NEK11: variants seen among roughly 807,000 people sequenced by gnomAD.
NEK11 encodes the protein serine/threonine-protein kinase Nek11.
A neutral mutation model predicts 80.7 loss-of-function variants in NEK11; 72 were observed. That is an observed-to-expected ratio of 0.89 (90% CI 0.74 to 1.08). NEK11 has a LOEUF of 1.08. Among genes scored for constraint, NEK11 ranks in the 50% least tolerant of loss-of-function variants. NEK11 has a pLI of 0.00. For missense variants in NEK11, 764 were observed against 763.6 expected, an observed-to-expected ratio of 1.00 and a Z score of -0.01; for synonymous variants, 251 against 260.7, an observed-to-expected ratio of 0.96 and a Z score of 0.36.
chr3:131,113,107 C>T (rs1195984424), intron 5 of NEK11, among the ~76,000 whole-genome samples: 1 of 152,064 alleles, frequency 6.6e-6, no homozygotes, highest in Non-Finnish European at 1.5e-5. Context: ...AGAATGAACT[C>T]AGTAAGTTGA....
chr3:131,218,374 G>A (rs990586769), intron 14 of NEK11, among the ~76,000 whole-genome samples: 1 of 152,164 alleles, frequency 6.6e-6, no homozygotes, highest in Non-Finnish European at 1.5e-5. Context: ...CTCACACAGG[G>A]AGCTCTGGGG....
rs934090174 is a variant in NEK11 at position 131,070,212 on chromosome 3, A to G, written c.171-10211A>G. ...AACTTCTCAAAGCGTAATGGAGTGA[A>G]TGAGTGATTTGTTGCCTAGAGTCTT... On this transcript the variant is annotated intron_variant, in intron 3 of 17. Transcript: ENST00000383366. Among the ~76,000 whole-genome samples the G allele has an allele frequency of 2.6e-5, 4 of 152,182 alleles. No individual in the cohort carries two copies. The South Asian group carries it at 8.3e-4, about 31-fold the overall frequency.
chr3:131,161,504 A>T (rs535264901), intron 10 of NEK11, among the ~76,000 whole-genome samples: 88 of 152,336 alleles, frequency 5.8e-4, no homozygotes, highest in Non-Finnish European at 9.4e-4. Context: ...ACACAGCCAT[A>T]AAAATAACAA....
intron 7 of NEK11, among the ~76,000 whole-genome samples, chr3:131,143,436 A>G (rs1169484701): frequency 6.6e-6 from 1 of 152,164 alleles, no homozygotes; most frequent in Non-Finnish European, 1.5e-5. Context: ...AGCAAGGTTC[A>G]AGGGGACACC....
intron 16 of NEK11, among the ~76,000 whole-genome samples, chr3:131,257,747 T>A (rs1304361301): frequency 2.0e-5 from 3 of 152,142 alleles, no homozygotes; most frequent in Non-Finnish European, 4.4e-5. Context: ...GTACAACCAC[T>A]ATGGAAAACA....
At chr3:131,125,508 T>G (rs2083165701) in intron 5 of NEK11, among the ~76,000 whole-genome samples, 1 of 152,244 alleles carries the variant, frequency 6.6e-6, no homozygotes, top group African/African-American at 2.4e-5. Flanking sequence ...TGGTAATTAT[T>G]TACAATTATA....
intron 7 of NEK11, among the ~76,000 whole-genome samples, chr3:131,137,995 C>G (rs1238885873): frequency 6.6e-6 from 1 of 152,174 alleles, no homozygotes; most frequent in Non-Finnish European, 1.5e-5. Flanking sequence ...AGCATTTATC[C>G]TTTGAGGAAG....
chr3:131,278,025 G>A (rs2096327829), intron 17 of NEK11, among the ~76,000 whole-genome samples: 1 of 152,228 alleles, frequency 6.6e-6, no homozygotes, highest in African/African-American at 2.4e-5. Flanking sequence ...ATGTGTTTGT[G>A]ATGTTTTATA....
At chr3:131,097,974 A>G (rs1282802267) in intron 4 of NEK11, among the ~76,000 whole-genome samples, 4 of 145,892 alleles carry the variant, frequency 2.7e-5, no homozygotes, top group Admixed American at 6.9e-5. Context: ...TCAATGGAAC[A>G]GAACAGAGCC....
intron 5 of NEK11, among the ~76,000 whole-genome samples, chr3:131,114,299 A>T (rs1044576629): frequency 1.5e-5 from 1 of 64,708 alleles, no homozygotes; most frequent in Non-Finnish European, 3.0e-5. Flanking sequence ...ATAAATAATT[A>T]AAAAGCCAAG....
intron 4 of NEK11, among the ~76,000 whole-genome samples, chr3:131,096,513 G>C (rs1351580061): frequency 6.6e-6 from 1 of 151,970 alleles, no homozygotes; most frequent in East Asian, 1.9e-4. Flanking sequence ...CTTTTTGGTA[G>C]AATGATCTAT....
intron 17 of NEK11, chr3:131,330,178 A>G (rs889546523): frequency 6.6e-5 from 10 of 152,370 alleles, no homozygotes; most frequent in Admixed American, 2.6e-4. Context: ...TGTGAGAGAA[A>G]GAGAGGAATC....
intron 5 of NEK11, among the ~76,000 whole-genome samples, chr3:131,124,833 G>A (rs4974463): frequency 0.15 from 23,222 of 152,172 alleles, 1,843 homozygotes; most frequent in Non-Finnish European, 0.17. Context: ...AGACCTATGT[G>A]AGAATAGTGG....
chr3:131,228,759 G>T, intron 15 of NEK11, 71 bp downstream of exon 15: 1 of 1,468,620 alleles, frequency 6.8e-7, no homozygotes, highest in Non-Finnish European at 9.2e-7. Flanking sequence ...AGAGAAGAAA[G>T]GAAGTCTTAT....
rs947548674 is a variant in NEK11, at chr3:131,128,883, A to G, written c.456-3862A>G. ...TGTAGTGGTACTTCATTGTTGTTTT[A>G]ATTTTCATTTCTCTGATGACATATG... On this transcript the variant is annotated intron_variant, in intron 5 of 17. Coordinates refer to ENST00000383366, the MANE Select transcript of NEK11 (RefSeq NM_024800.5). Among the ~76,000 whole-genome samples, 3 of 151,932 alleles carry G rather than the reference A, an allele frequency of 2.0e-5. No homozygotes were observed. In the East Asian group the frequency reaches 5.8e-4, roughly 29 times the overall value.
intron 17 of NEK11, among the ~76,000 whole-genome samples, chr3:131,328,154 G>C (rs2097004831): frequency 6.6e-6 from 1 of 152,006 alleles, no homozygotes; most frequent in Admixed American, 6.6e-5. Flanking sequence ...CTGGGTTGTG[G>C]TGGTGTATTC....
At chr3:131,177,079 C>T (rs1484292973) in intron 14 of NEK11, among the ~76,000 whole-genome samples, 3 of 152,152 alleles carry the variant, frequency 2.0e-5, no homozygotes, top group Admixed American at 6.5e-5. Context: ...GCATATACCA[C>T]GGTATGGTTT....
chr3:131,105,379 C>T (rs893057254), intron 4 of NEK11, among the ~76,000 whole-genome samples: 22 of 152,144 alleles, frequency 1.4e-4, no homozygotes, highest in African/African-American at 5.1e-4. Context: ...ATAAATAGCA[C>T]GTCTAATCTT....
intron 3 of NEK11, among the ~76,000 whole-genome samples, chr3:131,073,704 G>A (rs987954123): frequency 5.3e-5 from 8 of 152,250 alleles, no homozygotes; most frequent in South Asian, 2.1e-4. Flanking sequence ...TAGGGAAACC[G>A]GGCCAGAATT....
Sources: gnomAD v4.1 joint callset for allele counts (sites outside exome capture counted in the v4.1 genomes callset) on GRCh38, gnomAD v4.1.1 for gene constraint, MANE v1.5 for transcripts, NCBI Gene and HGNC (gene_info 2026-07-23, HGNC 2026-07-21) for gene names.